CSMD1: variants seen among roughly 807,000 people sequenced by gnomAD.
CSMD1 encodes CUB and sushi domain-containing protein 1.
Under a neutral mutation model 417.5 loss-of-function variants are expected in CSMD1, and 213 were observed. The ratio of observed to expected loss-of-function variants is 0.51; its 90% CI spans 0.46 to 0.57. CSMD1 has a LOEUF of 0.57. Among genes scored for constraint, CSMD1 ranks in the 20% least tolerant of loss-of-function variants. CSMD1 has a pLI of 0.00. For missense variants in CSMD1, 6,923 were observed against 4,529.7 expected, an observed-to-expected ratio of 1.53 and a Z score of -15.17; for synonymous variants, 2,862 against 1,736.8, an observed-to-expected ratio of 1.65 and a Z score of -16.11.
intron 5 of CSMD1, among the ~76,000 whole-genome samples, chr8:3,804,544 G>A (rs1162196981): frequency 1.3e-5 from 2 of 152,140 alleles, no homozygotes; most frequent in African/African-American, 2.4e-5. Context: ...TGCTATAAAT[G>A]AGATTAGCAA....
At chr8:3,168,249 G>A (rs191124956) in intron 37 of CSMD1, among the ~76,000 whole-genome samples, 3 of 152,216 alleles carry the variant, frequency 2.0e-5, no homozygotes, top group African/African-American at 2.4e-5. Context: ...TATGTGGAAC[G>A]TAAGTGGTTA....
intron 3 of CSMD1, among the ~76,000 whole-genome samples, chr8:4,251,507 G>A (rs1431471392): frequency 1.3e-5 from 2 of 152,142 alleles, no homozygotes; most frequent in African/African-American, 4.8e-5. Context: ...GGACAAGATA[G>A]TTATATCAAA....
chr8:4,403,975 C>G (rs1804836511), intron 3 of CSMD1, among the ~76,000 whole-genome samples: 1 of 152,174 alleles, frequency 6.6e-6, no homozygotes, highest in Admixed American at 6.5e-5. Flanking sequence ...ACCCCTAAAA[C>G]TCTCCTTTCT....
intron 1 of CSMD1, among the ~76,000 whole-genome samples, chr8:4,696,541 C>G (rs774443930): frequency 2.0e-5 from 3 of 152,150 alleles, no homozygotes; most frequent in Non-Finnish European, 2.9e-5. Context: ...CTGGAAGCCC[C>G]TAATATTTGG....
At chr8:3,778,509 C>G (rs913676733) in intron 5 of CSMD1, among the ~76,000 whole-genome samples, 1 of 152,232 alleles carries the variant, frequency 6.6e-6, no homozygotes, top group East Asian at 1.9e-4. Flanking sequence ...CCCATCCCTA[C>G]CTTCTACAAG....
chr8:4,350,437 C>T (rs550343315), intron 3 of CSMD1, among the ~76,000 whole-genome samples: 4 of 152,176 alleles, frequency 2.6e-5, no homozygotes, highest in Non-Finnish European at 5.9e-5. Context: ...ATCAACCAAC[C>T]TTGATTCACC....
intron 3 of CSMD1, among the ~76,000 whole-genome samples, chr8:4,346,129 T>C (rs577969867): frequency 6.6e-6 from 1 of 152,164 alleles, no homozygotes; most frequent in East Asian, 1.9e-4. Context: ...ACCTGGAGGT[T>C]TTTCTACTCC....
chr8:4,091,510 G>A (rs1470883976), intron 3 of CSMD1, among the ~76,000 whole-genome samples: 1 of 152,166 alleles, frequency 6.6e-6, no homozygotes, highest in Non-Finnish European at 1.5e-5. Flanking sequence ...TGCATTGCTG[G>A]AAGATAATTA....
intron 1 of CSMD1, among the ~76,000 whole-genome samples, chr8:4,956,085 G>C (rs943376772): frequency 2.0e-5 from 3 of 152,236 alleles, no homozygotes; most frequent in African/African-American, 2.4e-5. Flanking sequence ...ACTTAGGGGA[G>C]AGTTATTTGG....
intron 5 of CSMD1, among the ~76,000 whole-genome samples, chr8:3,948,838 A>C (rs1811416132): frequency 6.6e-6 from 1 of 152,152 alleles, no homozygotes; most frequent in Non-Finnish European, 1.5e-5. Flanking sequence ...TTTATTTGCA[A>C]GGGGTATCCA....
At chr8:4,192,244 G>A (rs191459435) in intron 3 of CSMD1, among the ~76,000 whole-genome samples, 91 of 152,234 alleles carry the variant, frequency 6.0e-4, no homozygotes, top group African/African-American at 1.6e-3. Context: ...AATATAGTTC[G>A]TTAGGATTAT....
rs558240483 is a variant in CSMD1 at position 4,740,573 on chromosome 8, T to A, written c.86-103015A>T. 2.0e-5 allele frequency among the ~76,000 whole-genome samples: 3 copies of A among 152,304 alleles called. No individual in the cohort carries two copies. The South Asian group carries it at 6.2e-4, about 32-fold the overall frequency. ...AAAGGTATTTTAAATCATTTTTTATTATGGTCTCAGATAGCGTAACAAGCA... is the reference window on the plus strand; with the variant it reads ...AAAGGTATTTTAAATCATTTTTTATAATGGTCTCAGATAGCGTAACAAGCA... On this transcript the variant is annotated intron_variant, in intron 1 of 69. Coordinates refer to ENST00000635120, the MANE Select transcript of CSMD1 (RefSeq NM_033225.6).
In CSMD1 at chr8:4,223,099, C is replaced by G. The variant is rs538595160; in HGVS notation, c.416-191000G>C. On this transcript the variant is annotated intron_variant, in intron 3 of 69. Coordinates refer to ENST00000635120, the MANE Select transcript of CSMD1 (RefSeq NM_033225.6). The stretch of plus-strand genomic sequence containing the variant: ...ACAGCTGGTTCCCTCCCGCCCTGCC[C>G]TGAGCATCTGTAGTAGCAAGTGGCT... Among the ~76,000 whole-genome samples, 9 of 152,168 alleles carry G rather than the reference C, an allele frequency of 5.9e-5. 1 individual carries two copies. The highest frequency in any genetic ancestry group is 1.9e-4 in the African/African-American group (8 of 41,518).
intron 2 of CSMD1, among the ~76,000 whole-genome samples, chr8:4,484,720 A>G (rs1320492496): frequency 6.6e-6 from 1 of 152,038 alleles, no homozygotes; most frequent in Non-Finnish European, 1.5e-5. Flanking sequence ...CTGTAATCTC[A>G]GCACTTTGGG....
chr8:3,816,892 C>T (rs988353895), intron 5 of CSMD1, among the ~76,000 whole-genome samples: 2 of 152,100 alleles, frequency 1.3e-5, no homozygotes, highest in African/African-American at 4.8e-5. Flanking sequence ...TTTCACTTTC[C>T]ACACCTCATA....
intron 17 of CSMD1, among the ~76,000 whole-genome samples, chr8:3,388,514 T>G (rs1433269689): frequency 6.6e-6 from 1 of 152,232 alleles, no homozygotes; most frequent in East Asian, 1.9e-4. Flanking sequence ...AATGAATATC[T>G]GAACTGTGAA....
intron 3 of CSMD1, among the ~76,000 whole-genome samples, chr8:4,394,219 A>G (rs954230456): frequency 2.6e-5 from 4 of 152,224 alleles, no homozygotes; most frequent in Non-Finnish European, 5.9e-5. Flanking sequence ...TAGGTCTTAG[A>G]AAAACAGTAA....
chr8:3,575,658 G>A (rs951565211), intron 9 of CSMD1, among the ~76,000 whole-genome samples: 6 of 152,052 alleles, frequency 3.9e-5, no homozygotes, highest in East Asian at 1.9e-4. Flanking sequence ...ACAGCACAAC[G>A]CAAATAGGAA....
intron 2 of CSMD1, among the ~76,000 whole-genome samples, chr8:4,592,569 T>C (rs1260312909): frequency 1.3e-5 from 2 of 152,026 alleles, no homozygotes; most frequent in Non-Finnish European, 2.9e-5. Context: ...GTATTTTTAG[T>C]AGAGACAGAG....
Sources: allele counts gnomAD v4.1 joint callset (sites outside exome capture counted in the v4.1 genomes callset), GRCh38; gene constraint gnomAD v4.1.1; transcripts MANE v1.5; gene names NCBI Gene and HGNC (gene_info 2026-07-23, HGNC 2026-07-21).